CIMIP3: variants seen among roughly 807,000 people sequenced by gnomAD.
CIMIP3 encodes the protein GUCA1A neighbor.
chr6:42,155,680 T>C, the CIMIP3 span: 1 of 715,680 alleles, frequency 1.4e-6, no homozygotes, highest in Non-Finnish European at 2.6e-6. Flanking sequence ...ACCTCTGCGA[T>C]CTCTCTGGGG....
the CIMIP3 span, chr6:42,163,365 G>A: frequency 7.1e-6 from 3 of 420,408 alleles, no homozygotes; most frequent in Non-Finnish European, 8.5e-6. Flanking sequence ...TAAGACAGCT[G>A]TGCCATGCCC....
At chr6:42,158,796 A>G in the CIMIP3 span, among the ~76,000 whole-genome samples, 2 of 152,086 alleles carry the variant, frequency 1.3e-5, no homozygotes, top group African/African-American at 4.8e-5. Flanking sequence ...AAAGAGTGCC[A>G]CCCTTCCATC....
the CIMIP3 span, among the ~76,000 whole-genome samples, chr6:42,158,929 G>A: frequency 1.3e-5 from 2 of 152,232 alleles, no homozygotes; most frequent in Non-Finnish European, 2.9e-5. Flanking sequence ...TGAAGGGTTA[G>A]TGGGGAGCAG....
the CIMIP3 span, among the ~76,000 whole-genome samples, chr6:42,161,378 G>T: frequency 6.6e-6 from 1 of 152,046 alleles, no homozygotes; most frequent in African/African-American, 2.4e-5. Context: ...GCTGAAGCCT[G>T]GGGGAGCAGA....
At chr6:42,161,919 G>C in the CIMIP3 span, among the ~76,000 whole-genome samples, 2 of 151,966 alleles carry the variant, frequency 1.3e-5, no homozygotes, top group African/African-American at 4.8e-5. Context: ...TAATGGGAAA[G>C]ACAGAATTTC....
chr6:42,162,090 CTTTTTTTTTTTTTTT>C, the CIMIP3 span, among the ~76,000 whole-genome samples: 44 of 63,094 alleles, frequency 7.0e-4, no homozygotes, highest in South Asian at 2.1e-3. Context: ...AAGCCACATT[CTTTTTTTTTTTTTTT>C]TTTTTTTTTT....
At chr6:42,156,194 C>T in the CIMIP3 span, among the ~76,000 whole-genome samples, 1 of 152,026 alleles carries the variant, frequency 6.6e-6, no homozygotes, top group Admixed American at 6.6e-5. Context: ...CGGGGTTTCA[C>T]CATGTTGACC....
At chr6:42,155,482 C>A in the CIMIP3 span, 1 of 711,928 alleles carries the variant, frequency 1.4e-6, no homozygotes, top group Non-Finnish European at 2.6e-6. Context: ...CCAGGATGTG[C>A]AAGGTGTGAT....
chr6:42,163,314 G>T, the CIMIP3 span: 3 of 488,836 alleles, frequency 6.1e-6, no homozygotes, highest in Non-Finnish European at 1.1e-5. Flanking sequence ...TCCCCAAGGG[G>T]AAGGGCTGCT....
At chr6:42,161,975 G>A in the CIMIP3 span, among the ~76,000 whole-genome samples, 1 of 151,884 alleles carries the variant, frequency 6.6e-6, no homozygotes, top group Admixed American at 6.6e-5. Flanking sequence ...GAACACCTGA[G>A]CCAAGGTACA....
chr6:42,159,236 A>G, the CIMIP3 span, among the ~76,000 whole-genome samples: 1 of 152,262 alleles, frequency 6.6e-6, no homozygotes, highest in Admixed American at 6.5e-5. Context: ...GGTGGGTAGA[A>G]GCCACCACTG....
chr6:42,158,864 C>G, the CIMIP3 span, among the ~76,000 whole-genome samples: 2 of 152,144 alleles, frequency 1.3e-5, no homozygotes, highest in African/African-American at 4.8e-5. Flanking sequence ...TCTGTCACCC[C>G]TGGCCCCAAC....
chr6:42,162,090 C>CTTTTTTTTTTTTTTT, the CIMIP3 span, among the ~76,000 whole-genome samples: 2 of 63,082 alleles, frequency 3.2e-5, no homozygotes, highest in African/African-American at 1.4e-4. Flanking sequence ...AAGCCACATT[C>CTTTTTTTTTTTTTTT]TTTTTTTTTT....
the CIMIP3 span, among the ~76,000 whole-genome samples, chr6:42,162,224 G>A: frequency 1.3e-5 from 2 of 150,450 alleles, no homozygotes; most frequent in Non-Finnish European, 3.0e-5. Flanking sequence ...GACCAGCCTG[G>A]CCAACATGGT....
chr6:42,161,427 C>A, the CIMIP3 span, among the ~76,000 whole-genome samples: 33 of 152,200 alleles, frequency 2.2e-4, no homozygotes, highest in African/African-American at 7.2e-4. Context: ...TGGATGATTG[C>A]CTACAGATGC....
At chr6:42,157,451 C>T in the CIMIP3 span, among the ~76,000 whole-genome samples, 7 of 151,994 alleles carry the variant, frequency 4.6e-5, no homozygotes, top group East Asian at 1.9e-4. Context: ...GGTTTTGCCA[C>T]GTTGCCAAGG....
chr6:42,158,158 C>G, the CIMIP3 span, among the ~76,000 whole-genome samples: 1 of 152,188 alleles, frequency 6.6e-6, no homozygotes, highest in African/African-American at 2.4e-5. Context: ...AGCATGTGAG[C>G]AAAGAATAGC....
the CIMIP3 span, among the ~76,000 whole-genome samples, chr6:42,157,925 G>A: frequency 2.0e-5 from 3 of 152,146 alleles, no homozygotes; most frequent in African/African-American, 7.2e-5. Flanking sequence ...ATTGGACGCT[G>A]ATGATTCTTT....
the CIMIP3 span, among the ~76,000 whole-genome samples, chr6:42,158,751 T>G: frequency 6.6e-6 from 1 of 152,248 alleles, no homozygotes; most frequent in Non-Finnish European, 1.5e-5. Flanking sequence ...GAGTGGCTAA[T>G]GCCTGACATT....
Sources: allele counts gnomAD v4.1 joint callset (sites outside exome capture counted in the v4.1 genomes callset), GRCh38; gene constraint gnomAD v4.1.1; transcripts MANE v1.5; gene names NCBI Gene and HGNC (gene_info 2026-07-23, HGNC 2026-07-21).